TSHZ1: variants seen among roughly 807,000 people sequenced by gnomAD.
The protein encoded by TSHZ1 is teashirt zinc finger homeobox 1.
In TSHZ1, 12 loss-of-function variants were observed where a neutral mutation model predicts 67.1. That is an observed-to-expected ratio of 0.18 (90% CI 0.11 to 0.29). TSHZ1 has a LOEUF of 0.29. Ranked by LOEUF, TSHZ1 falls within the 10% of genes least tolerant of loss-of-function variation. The pLI is 1.00. For synonymous variants in TSHZ1, 632 were observed against 622.4 expected, an observed-to-expected ratio of 1.02 and a Z score of -0.23; for missense variants, 1,305 against 1,413.9, an observed-to-expected ratio of 0.92 and a Z score of 1.23.
chr18:75,265,735 G>C (rs551138824), intron 1 of TSHZ1, among the ~76,000 whole-genome samples: 1 of 152,218 alleles, frequency 6.6e-6, no homozygotes, highest in East Asian at 1.9e-4. Flanking sequence ...TCACTTTCTA[G>C]ACGAGACCCC....
In TSHZ1 at chr18:75,287,951, A is replaced by G. The variant is rs767398045; in HGVS notation, c.2544A>G (p.Thr848=). 9.3e-6 allele frequency: 15 copies of G among 1,614,086 alleles called. No individual in the cohort carries two copies. Among genetic ancestry groups the G allele is most frequent in the Non-Finnish European group, 1.3e-5 (15 of 1,180,044 alleles). ...TCTCCGACATGGTGAAAAACCTCAC[A>G]GGCCGCCTGACGCCCAAGTCCTCCA... ...MDISDMVKNL[T]GRLTPKSSTP... Residue 848 remains threonine (T), a synonymous_variant, in exon 2 of 2, where the codon ACA becomes ACG. Coordinates refer to ENST00000580243, the MANE Select transcript of TSHZ1 (RefSeq NM_001308210.2). The surrounding 1 kb of genome is among the most constrained non-coding windows in gnomAD (Gnocchi z 5.0).
At chr18:75,272,921 A>T (rs1047742453) in intron 1 of TSHZ1, among the ~76,000 whole-genome samples, 1 of 152,214 alleles carries the variant, frequency 6.6e-6, no homozygotes, top group Non-Finnish European at 1.5e-5. Context: ...TAATATCCCA[A>T]TGATTCCAAA....
chr18:75,227,027 C>A (rs1194127527), intron 1 of TSHZ1, among the ~76,000 whole-genome samples: 2 of 152,180 alleles, frequency 1.3e-5, no homozygotes, highest in Non-Finnish European at 2.9e-5. Flanking sequence ...TGTAGGGACA[C>A]CCCATGGAGT....
chr18:75,272,440 A>G (rs1433926396), intron 1 of TSHZ1, among the ~76,000 whole-genome samples: 1 of 152,156 alleles, frequency 6.6e-6, no homozygotes, highest in Non-Finnish European at 1.5e-5. Flanking sequence ...ATTCTACTAG[A>G]TTTCTTAGGA....
intron 1 of TSHZ1, among the ~76,000 whole-genome samples, chr18:75,218,303 A>G (rs1184690801): frequency 6.6e-6 from 1 of 152,226 alleles, no homozygotes; most frequent in Non-Finnish European, 1.5e-5. Flanking sequence ...TTTCCAGCCC[A>G]GCTGTCTGCG....
intron 1 of TSHZ1, among the ~76,000 whole-genome samples, chr18:75,282,129 G>A (rs2023695073): frequency 6.6e-6 from 1 of 152,182 alleles, no homozygotes; most frequent in Non-Finnish European, 1.5e-5. Flanking sequence ...GGTCCAATCT[G>A]TTCTGACACA....
chr18:75,277,319 A>G (rs772719287), intron 1 of TSHZ1, among the ~76,000 whole-genome samples: 7 of 152,188 alleles, frequency 4.6e-5, no homozygotes, highest in African/African-American at 1.2e-4. Context: ...GCAGGTTCCC[A>G]TAGCCACAGG....
chr18:75,243,200 G>C (rs9949030), intron 1 of TSHZ1, among the ~76,000 whole-genome samples: 4,025 of 152,298 alleles, frequency 0.026, 62 homozygotes, highest in Middle Eastern at 0.054. Context: ...TTAACTCTTC[G>C]TGGACTTTTG....
At chr18:75,279,321 A>G (rs1232008918) in intron 1 of TSHZ1, among the ~76,000 whole-genome samples, 1 of 152,240 alleles carries the variant, frequency 6.6e-6, no homozygotes, top group Non-Finnish European at 1.5e-5. Context: ...GTAGAATAGT[A>G]AAATAGCTGA....
At chr18:75,231,060 T>G (rs937202969) in intron 1 of TSHZ1, among the ~76,000 whole-genome samples, 30 of 152,116 alleles carry the variant, frequency 2.0e-4, no homozygotes, top group African/African-American at 7.0e-4. Context: ...ATGGTGTTTT[T>G]GGGTTGGCTG....
chr18:75,217,053 T>C (rs1375922872), intron 1 of TSHZ1, among the ~76,000 whole-genome samples: 1 of 152,182 alleles, frequency 6.6e-6, no homozygotes, highest in Non-Finnish European at 1.5e-5. Flanking sequence ...CTAGGCATGC[T>C]TTAGCTGTGG....
intron 1 of TSHZ1, among the ~76,000 whole-genome samples, chr18:75,268,523 A>T: frequency 6.6e-6 from 1 of 152,224 alleles, no homozygotes; most frequent in East Asian, 1.9e-4. Context: ...CCAGTTTCCC[A>T]TTAAACTGCC....
chr18:75,244,966 ATCTC>A (rs2023204980), intron 1 of TSHZ1, among the ~76,000 whole-genome samples: 1 of 151,540 alleles, frequency 6.6e-6, no homozygotes, highest in African/African-American at 2.4e-5. Context: ...ACCTTCCCCC[ATCTC>A]TCTCTCTTGT....
chr18:75,276,000 CTT>C (rs1273254724), intron 1 of TSHZ1, among the ~76,000 whole-genome samples: 1 of 152,152 alleles, frequency 6.6e-6, no homozygotes, highest in African/African-American at 2.4e-5. Context: ...AGTTTTTCAT[CTT>C]TTACATACGG....
intron 1 of TSHZ1, among the ~76,000 whole-genome samples, chr18:75,262,588 C>T (rs1013598545): frequency 3.9e-5 from 6 of 152,164 alleles, no homozygotes; most frequent in Admixed American, 6.6e-5. Flanking sequence ...CTATAAAATA[C>T]GCTTGCATTA....
intron 1 of TSHZ1, among the ~76,000 whole-genome samples, chr18:75,247,935 G>A (rs925604235): frequency 2.7e-5 from 4 of 150,780 alleles, no homozygotes; most frequent in African/African-American, 9.8e-5. Flanking sequence ...TTTATTCAGA[G>A]CCACAGTGCA....
At chr18:75,244,019 G>A (rs1296033297) in intron 1 of TSHZ1, among the ~76,000 whole-genome samples, 1 of 152,180 alleles carries the variant, frequency 6.6e-6, no homozygotes, top group African/African-American at 2.4e-5. Context: ...CAATATTATG[G>A]TAAGTATGGG....
chr18:75,234,261 G>A (rs8088633), intron 1 of TSHZ1, among the ~76,000 whole-genome samples: 13,230 of 152,120 alleles, frequency 0.087, 1,253 homozygotes, highest in African/African-American at 0.24. Context: ...GGTTCCCTGC[G>A]CACCTACTCC....
chr18:75,288,716 T>C lies in TSHZ1; in HGVS notation c.*75T>C. ...CTGCACTAGGCCTGGCCTGAGCCTC[T>C]GAAATCAGTCTTTCCTTTGTTGCTG... is the stretch of plus-strand genomic sequence containing the variant. On this transcript the variant is annotated 3_prime_UTR_variant, in exon 2 of 2. Coordinates refer to ENST00000580243, the MANE Select transcript of TSHZ1 (RefSeq NM_001308210.2). The surrounding 1 kb of genome is among the most constrained non-coding windows in gnomAD (Gnocchi z 4.9). 1 of 1,509,846 alleles carries C rather than the reference T, an allele frequency of 6.6e-7. No individual in the cohort carries two copies. Among genetic ancestry groups the C allele is most frequent in the Non-Finnish European group, 8.8e-7 (1 of 1,131,716 alleles). The allele number at this position is 1,509,846 out of a possible 1,614,324, so 93.5% of individuals were successfully genotyped here.
Sources: gnomAD v4.1 joint callset for allele counts (sites outside exome capture counted in the v4.1 genomes callset) on GRCh38, gnomAD v4.1.1 for gene constraint, Gnocchi (gnomAD v3.1) non-coding constraint, MANE v1.5 for transcripts, NCBI Gene and HGNC (gene_info 2026-07-23, HGNC 2026-07-21) for gene names.